PDE8B: variants seen among roughly 807,000 people sequenced by gnomAD.
The protein encoded by PDE8B is high affinity cAMP-specific and IBMX-insensitive 3',5'-cyclic phosphodiesterase 8B.
PDE8B carries 26 observed loss-of-function variants against 101.3 expected under a neutral mutation model. The ratio of observed to expected loss-of-function variants is 0.26; its 90% confidence interval spans 0.19 to 0.36. The LOEUF is 0.36. Among genes scored for constraint, PDE8B ranks in the 10% least tolerant of loss-of-function variants. The pLI is 1.00. For missense variants in PDE8B, 810 were observed against 1,163.1 expected, an observed-to-expected ratio of 0.70 and a Z score of 4.42; for synonymous variants, 424 against 429.3, an observed-to-expected ratio of 0.99 and a Z score of 0.15.
At chr5:77,165,099 G>A in the PDE8B span, among the ~76,000 whole-genome samples, 1 of 152,168 alleles carries the variant, frequency 6.6e-6, no homozygotes, top group African/African-American at 2.4e-5. Flanking sequence ...CCAGCGTGAT[G>A]TCACTGAACA....
the PDE8B span, among the ~76,000 whole-genome samples, chr5:77,157,543 A>G: frequency 6.6e-6 from 1 of 152,198 alleles, no homozygotes; most frequent in Non-Finnish European, 1.5e-5. Context: ...TTCAGGCTAT[A>G]AGTCATGAGG....
intron 1 of PDE8B, among the ~76,000 whole-genome samples, chr5:77,309,761 A>C (rs1349181792): frequency 2.6e-5 from 4 of 151,720 alleles, no homozygotes; most frequent in Non-Finnish European, 5.9e-5. Context: ...CTGGGATTAC[A>C]GGCGCCCAAC....
At chr5:77,297,281 A>G (rs12513677) in intron 1 of PDE8B, among the ~76,000 whole-genome samples, 91,702 of 152,116 alleles carry the variant, frequency 0.6, 28,819 homozygotes, top group East Asian at 0.88. Context: ...AATGGCGACT[A>G]AATTTCAACA....
In PDE8B at chr5:77,300,583, A is replaced by G. The variant is rs530489580; in HGVS notation, c.340-11411A>G. ...CAAAAATAATACAAGGAAGAAATAT[A>G]GTTCCTTGGGTGTTGCCTCGTTGGC... On this transcript the variant is annotated intron_variant, in intron 1 of 21. Transcript: ENST00000264917. Among the ~76,000 whole-genome samples, 303 of 152,312 alleles carry G rather than the reference A, an allele frequency of 2.0e-3. 1 individual carries two copies. Among genetic ancestry groups the G allele is most frequent in the African/African-American group, 7.0e-3 (291 of 41,560 alleles).
intron 4 of PDE8B, among the ~76,000 whole-genome samples, chr5:77,329,636 C>T (rs1464562314): frequency 6.6e-6 from 1 of 152,126 alleles, no homozygotes; most frequent in Non-Finnish European, 1.5e-5. Flanking sequence ...CTGGGTTTAT[C>T]GTCTGAAGTG....
the PDE8B span, chr5:77,165,498 A>G: frequency 6.6e-6 from 1 of 152,204 alleles, no homozygotes; most frequent in Non-Finnish European, 1.5e-5. Context: ...TTCCCCTGGC[A>G]TGGTAAGTGC....
In PDE8B at chr5:77,426,425, A is replaced by T. The variant is rs912892679; in HGVS notation, c.2549-20A>T. Reference sequence around the variant, plus strand: ...GGTCTAAGTTCACCGGTTTCTTTTGATTCTTTTCTGTCTTTGCAGCCTTTG... The same window carrying T: ...GGTCTAAGTTCACCGGTTTCTTTTGTTTCTTTTCTGTCTTTGCAGCCTTTG... On this transcript the variant is annotated intron_variant, in intron 21 of 21. Transcript: ENST00000264917. The T allele has an allele frequency of 6.5e-7, 1 of 1,543,524 alleles. No individual in the cohort carries two copies. The highest frequency in any genetic ancestry group is 9.0e-7 in the Non-Finnish European group (1 of 1,116,020).
intron 2 of PDE8B, among the ~76,000 whole-genome samples, chr5:77,314,447 T>C (rs556257706): frequency 5.3e-5 from 8 of 152,110 alleles, no homozygotes; most frequent in East Asian, 1.9e-4. Flanking sequence ...GGGATTTTGA[T>C]AGGGATTGCA....
the PDE8B span, among the ~76,000 whole-genome samples, chr5:77,182,179 G>A: frequency 6.6e-6 from 1 of 151,958 alleles, no homozygotes. Context: ...ATTCCACTCT[G>A]GCAGTAATCT....
intron 10 of PDE8B, among the ~76,000 whole-genome samples, chr5:77,396,427 T>G (rs1003231252): frequency 1.3e-5 from 2 of 152,192 alleles, no homozygotes; most frequent in Non-Finnish European, 2.9e-5. Context: ...GTACTGAATA[T>G]TTCACTTTTC....
the PDE8B span, among the ~76,000 whole-genome samples, chr5:77,158,883 A>C: frequency 6.6e-6 from 1 of 152,198 alleles, no homozygotes; most frequent in Non-Finnish European, 1.5e-5. Context: ...GAGACTCAAC[A>C]TCAAGTGTAC....
chr5:77,265,485 T>C (rs1316399679), intron 1 of PDE8B, among the ~76,000 whole-genome samples: 2 of 152,250 alleles, frequency 1.3e-5, no homozygotes, highest in Non-Finnish European at 2.9e-5. Flanking sequence ...TTGTTTTTTT[T>C]AACTGTCCTA....
intron 9 of PDE8B, among the ~76,000 whole-genome samples, chr5:77,351,835 A>G (rs34191327): frequency 0.18 from 28,114 of 152,060 alleles, 3,340 homozygotes; most frequent in Middle Eastern, 0.32. Flanking sequence ...TAAGGAACAC[A>G]ACGTTGTGTG....
At chr5:77,413,369 C>A in intron 17 of PDE8B, 60 bp downstream of exon 17, 1 of 1,438,648 alleles carries the variant, frequency 7.0e-7, no homozygotes, top group Non-Finnish European at 9.8e-7. Flanking sequence ...AGAACTTAAT[C>A]TTAGTAAATA....
At chr5:77,400,224 T>C in intron 10 of PDE8B, 24 bp from the exon 11 acceptor site, 1 of 1,549,064 alleles carries the variant, frequency 6.5e-7, no homozygotes, top group Non-Finnish European at 8.9e-7. Flanking sequence ...TCTCTTGTTT[T>C]ATCAAACTTT....
the PDE8B span, chr5:77,140,965 CAT>C: frequency 3.3e-5 from 5 of 152,070 alleles, no homozygotes; most frequent in African/African-American, 1.2e-4. Flanking sequence ...TACTCATATA[CAT>C]GTGTATATAT....
At chr5:77,284,252 T>C (rs1364724712) in intron 1 of PDE8B, among the ~76,000 whole-genome samples, 1 of 152,224 alleles carries the variant, frequency 6.6e-6, no homozygotes, top group East Asian at 1.9e-4. Flanking sequence ...ATTTTCCAAA[T>C]ATTTTCTTCC....
chr5:77,289,024 C>T (rs964397240), intron 1 of PDE8B, among the ~76,000 whole-genome samples: 8 of 151,996 alleles, frequency 5.3e-5, no homozygotes, highest in African/African-American at 1.7e-4. Context: ...CCTCTTTCTT[C>T]GCTTCTCTTT....
chr5:77,416,427 C>T (rs1795572782), intron 17 of PDE8B, among the ~76,000 whole-genome samples: 1 of 152,190 alleles, frequency 6.6e-6, no homozygotes, highest in South Asian at 2.1e-4. Context: ...TGGGGCTGTC[C>T]TGGGTCCTGA....
Sources: gnomAD v4.1 joint callset for allele counts (sites outside exome capture counted in the v4.1 genomes callset) on GRCh38, gnomAD v4.1.1 for gene constraint, MANE v1.5 for transcripts, NCBI Gene and HGNC (gene_info 2026-07-23, HGNC 2026-07-21) for gene names.